WDPCP: variants seen among roughly 807,000 people sequenced by gnomAD.
WDPCP encodes WD repeat containing planar cell polarity effector.
Under a neutral mutation model 93.1 loss-of-function variants are expected in WDPCP, and 71 were observed. The ratio of observed to expected loss-of-function variants is 0.76; its 90% CI spans 0.63 to 0.93. WDPCP has a LOEUF of 0.93. WDPCP is among the 40% of genes least tolerant of loss of function. The probability of loss-of-function intolerance (pLI) is 0.00; values close to 1 mark genes in which losing one functional copy is unlikely to be tolerated. For missense variants in WDPCP, 844 were observed against 887.4 expected, an observed-to-expected ratio of 0.95 and a Z score of 0.62; for synonymous variants, 315 against 315.0, an observed-to-expected ratio of 1.00 and a Z score of 0.00.
At chr2:63,585,940 C>T (rs1000012252) in intron 1 of WDPCP, among the ~76,000 whole-genome samples, 7 of 151,542 alleles carry the variant, frequency 4.6e-5, no homozygotes, top group African/African-American at 1.7e-4. Context: ...AACCCTCCCA[C>T]CTCAGCCTCT....
chr2:63,658,829 G>A (rs188109916), intron 2 of WDPCP, among the ~76,000 whole-genome samples: 5 of 152,306 alleles, frequency 3.3e-5, no homozygotes, highest in East Asian at 3.9e-4. Context: ...TCAGCTGGCC[G>A]ACAGGCTCTG....
intron 1 of WDPCP, among the ~76,000 whole-genome samples, chr2:63,524,508 C>A (rs894601726): frequency 6.6e-6 from 1 of 152,164 alleles, no homozygotes; most frequent in Non-Finnish European, 1.5e-5. Flanking sequence ...GGGGAAAGGA[C>A]TCCCTATTGA....
intron 12 of WDPCP, among the ~76,000 whole-genome samples, chr2:63,372,729 A>G (rs559098132): frequency 6.6e-6 from 1 of 152,290 alleles, no homozygotes; most frequent in South Asian, 2.1e-4. Flanking sequence ...TGTTACACAC[A>G]TTTAGAATTG....
chr2:63,266,344 TAA>T lies in WDPCP; in HGVS notation c.1813-6937_1813-6936del, dbSNP rs1451033584. 4.6e-5 allele frequency among the ~76,000 whole-genome samples: 7 copies of T among 152,152 alleles called. No individual in the cohort carries two copies. The East Asian group carries it at 1.4e-3, about 29-fold the overall frequency. On this transcript the variant is annotated intron_variant, in intron 13 of 17. Coordinates refer to ENST00000272321, the MANE Select transcript of WDPCP (RefSeq NM_015910.7). The stretch of plus-strand genomic sequence containing the variant: ...ATAAAATCAGTAAAGTTGCAGGTTA[TAA>T]AATCAACATACAAAAACTTATCCAA...
At chr2:63,302,152 T>A (rs774030652) in intron 13 of WDPCP, among the ~76,000 whole-genome samples, 5 of 152,198 alleles carry the variant, frequency 3.3e-5, no homozygotes, top group Non-Finnish European at 5.9e-5. Context: ...TTCTAACGAC[T>A]CTGATAGGTA....
intron 15 of WDPCP, among the ~76,000 whole-genome samples, chr2:63,159,139 G>A (rs529780224): frequency 6.6e-6 from 1 of 150,380 alleles, no homozygotes; most frequent in South Asian, 2.1e-4. Flanking sequence ...CTGTGAGACA[G>A]AATGAGACCC....
At chr2:63,286,377 G>A (rs935466664) in intron 13 of WDPCP, among the ~76,000 whole-genome samples, 7 of 152,194 alleles carry the variant, frequency 4.6e-5, no homozygotes, top group African/African-American at 7.2e-5. Flanking sequence ...AATGTACTTT[G>A]TAATCTCCCC....
chr2:63,260,871 G>A (rs1681569057), intron 13 of WDPCP, among the ~76,000 whole-genome samples: 1 of 152,196 alleles, frequency 6.6e-6, no homozygotes, highest in Non-Finnish European at 1.5e-5. Flanking sequence ...ATAGAGCCAA[G>A]GATCAGTAAG....
At chr2:63,319,636 G>A (rs952188646) in intron 12 of WDPCP, among the ~76,000 whole-genome samples, 8 of 151,986 alleles carry the variant, frequency 5.3e-5, no homozygotes, top group Non-Finnish European at 1.2e-4. Flanking sequence ...CCACTACCGC[G>A]CCTGGCTAAT....
intron 12 of WDPCP, among the ~76,000 whole-genome samples, chr2:63,352,529 C>T (rs1461421791): frequency 3.9e-5 from 6 of 152,184 alleles, no homozygotes; most frequent in Non-Finnish European, 8.8e-5. Context: ...AAAATATAAA[C>T]TAAATGGATA....
At chr2:63,515,138 CTG>C (rs1379487114) in intron 1 of WDPCP, among the ~76,000 whole-genome samples, 1 of 152,106 alleles carries the variant, frequency 6.6e-6, no homozygotes, top group African/African-American at 2.4e-5. Context: ...CATATTTTAA[CTG>C]TAAAATATTT....
intron 9 of WDPCP, among the ~76,000 whole-genome samples, chr2:63,419,832 A>G (rs774562186): frequency 5.9e-5 from 9 of 152,204 alleles, no homozygotes; most frequent in Non-Finnish European, 1.0e-4. Flanking sequence ...TGGAACTGAA[A>G]ACTTTCACCA....
chr2:63,598,896 C>CA (rs1333463606), intron 3 of WDPCP, among the ~76,000 whole-genome samples: 1,594 of 72,160 alleles, frequency 0.022, 12 homozygotes, highest in African/African-American at 0.038. Flanking sequence ...AAAGAGGTAC[C>CA]AAAAAAAAAA....
At chr2:63,634,148 T>C (rs889548626) in intron 3 of WDPCP, among the ~76,000 whole-genome samples, 1 of 151,914 alleles carries the variant, frequency 6.6e-6, no homozygotes, top group Non-Finnish European at 1.5e-5. Flanking sequence ...AACTATATGC[T>C]ACCTACAAGA....
At chr2:63,701,776 C>T (rs923949515) in intron 2 of WDPCP, among the ~76,000 whole-genome samples, 3 of 152,142 alleles carry the variant, frequency 2.0e-5, no homozygotes, top group African/African-American at 2.4e-5. Context: ...CATGTTCTCA[C>T]TCATATGTAG....
chr2:63,446,330 C>A lies in WDPCP; in HGVS notation c.385-6459G>T, dbSNP rs538673025. 1.1e-4 allele frequency among the ~76,000 whole-genome samples: 17 copies of A among 152,282 alleles called. No individual in the cohort carries two copies. The South Asian group carries it at 2.9e-3, about 26-fold the overall frequency. ...GCATTACATTCTCATAGGAGGTAAA[C>A]CCTATTGGGAACTGTGCATGTGTTC... On this transcript the variant is annotated intron_variant, in intron 6 of 17. Transcript: ENST00000272321.
chr2:63,292,067 A>C (rs1684473856), intron 13 of WDPCP, among the ~76,000 whole-genome samples: 1 of 138,802 alleles, frequency 7.2e-6, no homozygotes, highest in Admixed American at 7.8e-5. Context: ...CGGGAGGTGG[A>C]GCTTGCAGTG....
At chr2:63,607,771 T>A (rs62179380) in intron 3 of WDPCP, among the ~76,000 whole-genome samples, 1 of 149,368 alleles carries the variant, frequency 6.7e-6, no homozygotes, top group South Asian at 2.1e-4. Flanking sequence ...CGGAGCTTGC[T>A]GTGAGCAGAT....
chr2:63,394,358 T>A (rs1693536001), intron 10 of WDPCP, among the ~76,000 whole-genome samples: 1 of 139,884 alleles, frequency 7.1e-6, no homozygotes, highest in Non-Finnish European at 1.6e-5. Flanking sequence ...CCAGTCAGAA[T>A]GGCTATTATT....
Sources: gnomAD v4.1 joint callset for allele counts (sites outside exome capture counted in the v4.1 genomes callset) on GRCh38, gnomAD v4.1.1 for gene constraint, MANE v1.5 for transcripts, NCBI Gene and HGNC (gene_info 2026-07-23, HGNC 2026-07-21) for gene names.